Variants in TMEM39A observed in about 807,000 individuals in gnomAD.
The protein encoded by TMEM39A is transmembrane protein 39A.
A neutral mutation model predicts 51.9 loss-of-function variants in TMEM39A; 19 were observed. The observed-to-expected ratio is 0.37, with a 90% CI of 0.26 to 0.54. The LOEUF is 0.54. TMEM39A is among the 20% of genes least tolerant of loss of function. TMEM39A has a pLI of 0.88. For missense variants in TMEM39A, 433 were observed against 590.5 expected (o/e 0.73, Z 2.76); for synonymous variants, 197 against 220.2 (o/e 0.89, Z 0.93).
chr3:119,438,194 T>C (rs2081000986), intron 5 of TMEM39A, 91 bp from the exon 6 acceptor site: 1 of 1,006,786 alleles, frequency 9.9e-7, no homozygotes, highest in Non-Finnish European at 1.4e-6. Flanking sequence ...CTTAGGTCAA[T>C]AAAATAGTCA....
intron 3 of TMEM39A, among the ~76,000 whole-genome samples, chr3:119,455,716 T>C (rs1261079415): frequency 3.9e-5 from 6 of 152,166 alleles, no homozygotes; most frequent in Non-Finnish European, 7.4e-5. Context: ...CAAGGCAGTA[T>C]TTGTAGGTGA....
intron 3 of TMEM39A, among the ~76,000 whole-genome samples, chr3:119,457,127 C>T (rs1333365693): frequency 6.6e-6 from 1 of 152,102 alleles, no homozygotes; most frequent in Admixed American, 6.5e-5. Context: ...CCTGCCATCA[C>T]ACACGGTTAA....
chr3:119,439,825 T>C (rs1206328822), intron 5 of TMEM39A, among the ~76,000 whole-genome samples: 2 of 151,992 alleles, frequency 1.3e-5, no homozygotes, highest in Non-Finnish European at 2.9e-5. Context: ...TGGAGTACAG[T>C]AGCGAGATTA....
chr3:119,463,143 G>A (rs2081362327), intron 1 of TMEM39A, among the ~76,000 whole-genome samples, 193 bp downstream of exon 1: 1 of 152,256 alleles, frequency 6.6e-6, no homozygotes, highest in Admixed American at 6.5e-5. Context: ...GGAAAGAAAA[G>A]TGCAGGGAAA....
chr3:119,451,033 T>A (rs2081191548), intron 4 of TMEM39A, among the ~76,000 whole-genome samples: 2 of 152,044 alleles, frequency 1.3e-5, no homozygotes, highest in South Asian at 4.1e-4. Flanking sequence ...TGAAACAAAA[T>A]CATTTCCTAT....
At position 119,458,291 on chromosome 3, in the gene TMEM39A, C is replaced by T. The variant is rs142771548; in HGVS notation, c.114-51G>A. 778 of 1,537,358 alleles carry T rather than the reference C, an allele frequency of 5.1e-4. 7 individuals are homozygous for T. In the East Asian group the frequency reaches 0.013, roughly 26 times the overall value. On this transcript the variant is annotated intron_variant, in intron 2 of 8. Coordinates refer to ENST00000319172, the MANE Select transcript of TMEM39A (RefSeq NM_018266.3). ...CAAATGGTGATAACCTCCAGTATCA[C>T]AGAACATAAAGGGCTCCTGCTGTCT...
intron 5 of TMEM39A, among the ~76,000 whole-genome samples, chr3:119,445,924 CAT>C (rs2081118715): frequency 6.6e-6 from 1 of 152,130 alleles, no homozygotes; most frequent in Non-Finnish European, 1.5e-5. Context: ...TTGAATATGG[CAT>C]AGAGTAGACC....
chr3:119,431,745 A>T lies in TMEM39A; in HGVS notation c.*236T>A. 1 of 320,456 alleles carries T rather than the reference A, an allele frequency of 3.1e-6. No homozygotes were observed. Among genetic ancestry groups the T allele is most frequent in the South Asian group, 6.7e-5 (1 of 14,824 alleles). The allele number at this position is 320,456 out of a possible 1,614,324, so 19.9% of individuals were successfully genotyped here. On this transcript the variant is annotated 3_prime_UTR_variant, in exon 9 of 9. Transcript: ENST00000319172. Reference sequence around the variant, plus strand: ...ATTCCAGAGCCATACAAACAAATCAATCTCTTTACTGGACAGGCATACCTC... The same window carrying T: ...ATTCCAGAGCCATACAAACAAATCATTCTCTTTACTGGACAGGCATACCTC...
At position 119,431,744 on chromosome 3, in the gene TMEM39A, A is replaced by T. The variant is rs994947394; in HGVS notation, c.*237T>A. 5 of 318,594 alleles carry T rather than the reference A, an allele frequency of 1.6e-5. No homozygotes were observed. The highest frequency in any genetic ancestry group is 1.1e-4 in the African/African-American group (5 of 46,176). The allele number at this position is 318,594 out of a possible 1,614,324, so 19.7% of individuals were successfully genotyped here. ...TATTCCAGAGCCATACAAACAAATCAATCTCTTTACTGGACAGGCATACCT... is the reference window on the plus strand; with the variant it reads ...TATTCCAGAGCCATACAAACAAATCTATCTCTTTACTGGACAGGCATACCT... On this transcript the variant is annotated 3_prime_UTR_variant, in exon 9 of 9. Transcript: ENST00000319172.
chr3:119,458,535 T>C (rs184327737), intron 2 of TMEM39A, among the ~76,000 whole-genome samples: 16 of 152,332 alleles, frequency 1.1e-4, no homozygotes, highest in South Asian at 6.2e-4. Flanking sequence ...TTCCCTCCTA[T>C]AGTCCTGACC....
At chr3:119,443,896 C>T (rs1396701369) in intron 5 of TMEM39A, among the ~76,000 whole-genome samples, 1 of 150,220 alleles carries the variant, frequency 6.7e-6, no homozygotes, top group Non-Finnish European at 1.5e-5. Context: ...CACAGCAAGA[C>T]CTTGTCTCAA....
intron 2 of TMEM39A, among the ~76,000 whole-genome samples, chr3:119,461,278 G>A (rs763632384): frequency 1.3e-5 from 2 of 152,122 alleles, no homozygotes; most frequent in African/African-American, 2.4e-5. Flanking sequence ...GGGTGGAAGA[G>A]GGATTGGAAA....
At chr3:119,442,316 C>G (rs1312165587) in intron 5 of TMEM39A, among the ~76,000 whole-genome samples, 2 of 148,984 alleles carry the variant, frequency 1.3e-5, no homozygotes, top group Non-Finnish European at 3.0e-5. Context: ...GCATTCCAGC[C>G]TGGGCAACAG....
intron 7 of TMEM39A, 116 bp from the exon 8 acceptor site, chr3:119,434,998 G>T: frequency 1.4e-6 from 2 of 1,437,128 alleles, no homozygotes; most frequent in Non-Finnish European, 9.3e-7. Context: ...TCATCTGCCT[G>T]AATTCTGAAA....
rs533211591 is a variant in TMEM39A at position 119,447,059 on chromosome 3, A to G, written c.534T>C (p.Phe178=). The change falls in exon 5 of 9, where the codon TTT becomes TTC. Residue 178 remains phenylalanine (F), a synonymous_variant. Transcript: ENST00000319172. ...WVLCWTLVNL[F]RSHSVLNLLF... is the part of the protein sequence containing the mutation. Reference sequence around the variant, plus strand: ...GGAGATTGAGGACTGAATGGCTTCGAAAGAGATTGACGAGGGTCCAACAAA... The same window carrying G: ...GGAGATTGAGGACTGAATGGCTTCGGAAGAGATTGACGAGGGTCCAACAAA... 1.2e-6 allele frequency: 2 copies of G among 1,614,206 alleles called. No individual in the cohort carries two copies. Among genetic ancestry groups the G allele is most frequent in the South Asian group, 2.2e-5 (2 of 91,088 alleles).
At chr3:119,435,728 T>C in intron 7 of TMEM39A, 8 of 1,001,188 alleles carry the variant, frequency 8.0e-6, no homozygotes, top group African/African-American at 1.7e-5. Context: ...GTTCAGAAAA[T>C]GTTCCACCGG....
chr3:119,432,039 A>T lies in TMEM39A; in HGVS notation c.1409T>A (p.Ile470Lys), dbSNP rs746182405. The stretch of plus-strand genomic sequence containing the variant: ...GTAGGAGTATGCCCTGCCTAATACT[A>T]TTCTGTCCCGGAGAAGTTTAAATAA... The part of the protein sequence containing the change: ...YVLFKLLRDR[I>K]VLGRAYSYPL... Residue 470 changes from isoleucine to lysine, a missense_variant, in exon 9 of 9, where the codon ATA (isoleucine) becomes AAA (lysine). By Grantham distance (102) the Ile-to-Lys change is moderately radical. Coordinates refer to ENST00000319172, the MANE Select transcript of TMEM39A (RefSeq NM_018266.3). 6.2e-7 allele frequency: 1 copy of T among 1,613,192 alleles called. No individual in the cohort carries two copies. The highest frequency in any genetic ancestry group is 8.5e-7 in the Non-Finnish European group (1 of 1,179,440).
chr3:119,445,901 A>G (rs1209684931), intron 5 of TMEM39A, among the ~76,000 whole-genome samples: 1 of 152,176 alleles, frequency 6.6e-6, no homozygotes, highest in African/African-American at 2.4e-5. Flanking sequence ...ATATATATAC[A>G]TGTCTACAGC....
intron 3 of TMEM39A, 61 bp downstream of exon 3, chr3:119,457,957 G>C (rs1365890713): frequency 1.3e-5 from 16 of 1,267,684 alleles, no homozygotes; most frequent in Non-Finnish European, 1.6e-5. Flanking sequence ...CTACAGAAAG[G>C]CTTTCCAGGT....
Sources: gnomAD v4.1 joint callset for allele counts (sites outside exome capture counted in the v4.1 genomes callset) on GRCh38, gnomAD v4.1.1 for gene constraint, MANE v1.5 for transcripts, NCBI Gene and HGNC (gene_info 2026-07-23, HGNC 2026-07-21) for gene names.